The following CTNNA2 variants were observed in gnomAD, a reference collection of about 807,000 sequenced individuals.
The protein encoded by CTNNA2 is catenin alpha 2, also known as catenin alpha-2.
Under a neutral mutation model 101.0 loss-of-function variants are expected in CTNNA2, and 42 were observed. The observed-to-expected ratio is 0.42, with a 90% confidence interval of 0.32 to 0.54. The LOEUF is 0.54. Ranked by LOEUF, CTNNA2 falls within the 20% of genes least tolerant of loss-of-function variation. The pLI is 0.14. For missense variants in CTNNA2, 871 were observed against 1,223.1 expected (o/e 0.71, Z 4.29); for synonymous variants, 450 against 456.4 (o/e 0.99, Z 0.18).
chr2:80,527,133 A>T (rs946016949), intron 9 of CTNNA2, among the ~76,000 whole-genome samples: 18 of 152,260 alleles, frequency 1.2e-4, no homozygotes, highest in African/African-American at 2.4e-5. Flanking sequence ...GAAAGATGAT[A>T]GTAATTAGGA....
At chr2:79,433,095 G>A (rs986404406) in intron 4 of CTNNA2, among the ~76,000 whole-genome samples, 2 of 152,306 alleles carry the variant, frequency 1.3e-5, no homozygotes, top group Admixed American at 6.5e-5. Context: ...TCAGGAGATT[G>A]TTCCAATGGC....
At chr2:80,161,472 A>G (rs1704314315) in intron 7 of CTNNA2, among the ~76,000 whole-genome samples, 1 of 152,162 alleles carries the variant, frequency 6.6e-6, no homozygotes, top group Admixed American at 6.5e-5. Context: ...ATACATTACA[A>G]GTTTTTGTTA....
intron 1 of CTNNA2, among the ~76,000 whole-genome samples, chr2:79,558,736 T>C (rs1674593262): frequency 6.6e-6 from 1 of 151,976 alleles, no homozygotes; most frequent in Non-Finnish European, 1.5e-5. Flanking sequence ...AGCCCAAACC[T>C]ACATGCACAA....
intron 9 of CTNNA2, among the ~76,000 whole-genome samples, chr2:80,484,830 C>A (rs1433573568): frequency 6.6e-6 from 1 of 152,044 alleles, no homozygotes; most frequent in South Asian, 2.1e-4. Context: ...CACGGTGAAA[C>A]CTTGTCTCTA....
Position 80,210,666 on chromosome 2 carries a change from A to G in CTNNA2, c.1057-182545A>G, listed in dbSNP as rs562909350. ...CTTTGCTATTGTGAATAGTGCCGCA[A>G]TAAACACATGTGTGCCTGTGTCTTT... On this transcript the variant is annotated intron_variant, in intron 7 of 18. Coordinates refer to ENST00000402739, the MANE Select transcript of CTNNA2 (RefSeq NM_001282597.3). Among the ~76,000 whole-genome samples, 5 of 152,324 alleles carry G rather than the reference A, an allele frequency of 3.3e-5. No individual in the cohort carries two copies. In the South Asian group the frequency reaches 8.3e-4, roughly 25 times the overall value.
At chr2:80,080,184 G>A (rs1699047805) in intron 7 of CTNNA2, among the ~76,000 whole-genome samples, 1 of 152,204 alleles carries the variant, frequency 6.6e-6, no homozygotes, top group South Asian at 2.1e-4. Context: ...TAAACCTTAA[G>A]TTTAATTTGG....
intron 9 of CTNNA2, among the ~76,000 whole-genome samples, chr2:80,523,578 T>C (rs1450810261): frequency 5.3e-5 from 8 of 152,220 alleles, no homozygotes; most frequent in African/African-American, 1.7e-4. Context: ...TCTTTTCTAT[T>C]GCAGTCCTGA....
chr2:79,462,337 C>T (rs746035407), intron 4 of CTNNA2, among the ~76,000 whole-genome samples: 1 of 152,146 alleles, frequency 6.6e-6, no homozygotes, highest in Non-Finnish European at 1.5e-5. Context: ...GATAATTTAT[C>T]TAGAGATTCA....
chr2:79,187,270 C>CTTTTCTTTTTTTTTCTTTTTTTTTTTT (rs1242631840), intron 1 of CTNNA2, among the ~76,000 whole-genome samples: 1 of 65,468 alleles, frequency 1.5e-5, no homozygotes, highest in Non-Finnish European at 2.8e-5. Flanking sequence ...CTTTTCTTTT[C>CTTTTCTTTTTTTTTCTTTTTTTTTTTT]TTTTTTTTTT....
At chr2:79,864,180 A>G (rs953905835) in intron 4 of CTNNA2, among the ~76,000 whole-genome samples, 2 of 152,238 alleles carry the variant, frequency 1.3e-5, no homozygotes, top group Non-Finnish European at 2.9e-5. Flanking sequence ...GCAGGAAAAG[A>G]GCATGTTACT....
At chr2:80,570,623 A>G (rs1307883144) in intron 12 of CTNNA2, among the ~76,000 whole-genome samples, 1 of 152,216 alleles carries the variant, frequency 6.6e-6, no homozygotes, top group Non-Finnish European at 1.5e-5. Context: ...TGGCCAAAGA[A>G]TATAATAAGA....
intron 3 of CTNNA2, among the ~76,000 whole-genome samples, chr2:79,844,899 G>T (rs189662624): frequency 7.6e-4 from 115 of 151,512 alleles, no homozygotes; most frequent in Admixed American, 6.3e-3. Context: ...TGGGGAGTGG[G>T]CTGTGTGTGA....
chr2:79,788,550 A>T (rs17017913), intron 3 of CTNNA2, among the ~76,000 whole-genome samples: 2 of 152,142 alleles, frequency 1.3e-5, no homozygotes, highest in South Asian at 4.1e-4. Flanking sequence ...AGATTTACAA[A>T]TATGTATTTT....
intron 12 of CTNNA2, among the ~76,000 whole-genome samples, chr2:80,559,891 T>TATATATACACACAC (rs1553387588): frequency 2.0e-5 from 3 of 146,818 alleles, no homozygotes; most frequent in African/African-American, 7.9e-5. Context: ...TATATATATA[T>TATATATACACACAC]ACACACACAT....
chr2:79,823,699 C>G (rs539144110), intron 3 of CTNNA2, among the ~76,000 whole-genome samples: 1 of 152,120 alleles, frequency 6.6e-6, no homozygotes, highest in Non-Finnish European at 1.5e-5. Context: ...CATTTACCTA[C>G]AAATTTGTCA....
intron 3 of CTNNA2, among the ~76,000 whole-genome samples, chr2:79,327,733 T>C (rs1388271794): frequency 6.6e-6 from 1 of 152,164 alleles, no homozygotes; most frequent in African/African-American, 2.4e-5. Context: ...CTCACTAGTC[T>C]GTAAATGGCC....
At chr2:80,538,199 T>G (rs1425104332) in intron 9 of CTNNA2, among the ~76,000 whole-genome samples, 1 of 152,200 alleles carries the variant, frequency 6.6e-6, no homozygotes, top group Non-Finnish European at 1.5e-5. Flanking sequence ...GCTAGTTTAT[T>G]TTGTTGTGCA....
chr2:79,440,281 T>G (rs1035644119), intron 4 of CTNNA2, among the ~76,000 whole-genome samples: 2 of 152,112 alleles, frequency 1.3e-5, no homozygotes, highest in Non-Finnish European at 2.9e-5. Context: ...GAAGTGGATA[T>G]GGCAGTAACG....
At chr2:79,440,407 T>G (rs1678764762) in intron 4 of CTNNA2, among the ~76,000 whole-genome samples, 2 of 152,186 alleles carry the variant, frequency 1.3e-5, no homozygotes, top group Admixed American at 1.3e-4. Flanking sequence ...GTGTGGTGAT[T>G]CAGTATTTTA....
Sources: allele counts gnomAD v4.1 joint callset (sites outside exome capture counted in the v4.1 genomes callset), GRCh38; gene constraint gnomAD v4.1.1; transcripts MANE v1.5; gene names NCBI Gene and HGNC (gene_info 2026-07-23, HGNC 2026-07-21).